The following DLGAP2 variants were observed in gnomAD, a reference collection of about 807,000 sequenced individuals.
The protein encoded by DLGAP2 is disks large-associated protein 2.
DLGAP2 carries 26 observed loss-of-function variants against 100.3 expected under a neutral mutation model. The observed-to-expected ratio is 0.26, with a 90% CI of 0.19 to 0.36. The LOEUF (loss-of-function observed/expected upper bound fraction) is 0.36. Ranked by LOEUF, DLGAP2 falls within the 10% of genes least tolerant of loss-of-function variation. The pLI is 1.00. For missense variants in DLGAP2, 1,858 were observed against 1,453.2 expected (o/e 1.28, Z -4.53); for synonymous variants, 886 against 630.1 (o/e 1.41, Z -6.08).
intron 2 of DLGAP2, among the ~76,000 whole-genome samples, chr8:1,087,916 C>T (rs76120699): frequency 0.01 from 1,542 of 152,346 alleles, 59 homozygotes; most frequent in East Asian, 0.098. Flanking sequence ...AGGTCCCCAC[C>T]CTGGCACAGT....
chr8:957,665 A>C (rs1011925864), intron 2 of DLGAP2, among the ~76,000 whole-genome samples: 2 of 152,244 alleles, frequency 1.3e-5, no homozygotes, highest in Non-Finnish European at 2.9e-5. Context: ...ACCGTCATTA[A>C]TGACAGTATC....
chr8:1,630,981 G>T (rs1797629433), intron 7 of DLGAP2, among the ~76,000 whole-genome samples: 2 of 102,732 alleles, frequency 1.9e-5, no homozygotes, highest in Admixed American at 1.1e-4. Context: ...TCGGCGGGAG[G>T]TCCGGGTGTC....
chr8:1,420,872 G>T (rs890354173), intron 3 of DLGAP2, among the ~76,000 whole-genome samples: 1 of 152,146 alleles, frequency 6.6e-6, no homozygotes, highest in African/African-American at 2.4e-5. Flanking sequence ...GTCCTGTTTG[G>T]TGTCTTCGTT....
At chr8:874,906 GTA>G (rs959468297) in intron 1 of DLGAP2, among the ~76,000 whole-genome samples, 4 of 152,124 alleles carry the variant, frequency 2.6e-5, no homozygotes, top group African/African-American at 9.7e-5. Context: ...GCATGTGTGT[GTA>G]TATATGTATG....
intron 3 of DLGAP2, among the ~76,000 whole-genome samples, chr8:1,298,593 T>G (rs1360831124): frequency 6.6e-6 from 1 of 152,010 alleles, no homozygotes; most frequent in Non-Finnish European, 1.5e-5. Flanking sequence ...TCGGCCACAG[T>G]CCTGCCCGTC....
At chr8:1,239,625 T>C (rs1798740078) in intron 2 of DLGAP2, among the ~76,000 whole-genome samples, 1 of 45,116 alleles carries the variant, frequency 2.2e-5, no homozygotes, top group African/African-American at 1.2e-4. Context: ...TTCTCTCACA[T>C]GGCGCCGTGT....
intron 14 of DLGAP2, among the ~76,000 whole-genome samples, chr8:1,698,637 G>C (rs1263485875): frequency 1.3e-5 from 2 of 151,708 alleles, no homozygotes; most frequent in Non-Finnish European, 2.9e-5. Context: ...CATGGGACTA[G>C]ACAGGTCCAA....
intron 5 of DLGAP2, among the ~76,000 whole-genome samples, chr8:1,554,807 C>T (rs1801902813): frequency 1.3e-5 from 2 of 151,432 alleles, no homozygotes; most frequent in Middle Eastern, 3.4e-3. Context: ...TCACGGTATC[C>T]CCACCAGTTC....
At chr8:746,485 G>A (rs1820621524) in intron 1 of DLGAP2, among the ~76,000 whole-genome samples, 1 of 152,230 alleles carries the variant, frequency 6.6e-6, no homozygotes, top group African/African-American at 2.4e-5. Flanking sequence ...TGGGGGCGCA[G>A]CCTCCACCAT....
chr8:1,695,246 C>T (rs1799356408), intron 13 of DLGAP2, among the ~76,000 whole-genome samples: 1 of 151,330 alleles, frequency 6.6e-6, no homozygotes, highest in Non-Finnish European at 1.5e-5. Context: ...ACCGGCCCTA[C>T]AGAAACAGGG....
intron 5 of DLGAP2, among the ~76,000 whole-genome samples, chr8:1,564,763 C>T (rs553561764): frequency 1.3e-5 from 2 of 152,306 alleles, no homozygotes; most frequent in South Asian, 4.1e-4. Flanking sequence ...TGCATAGTTG[C>T]TCAGCTCTGT....
intron 4 of DLGAP2, among the ~76,000 whole-genome samples, chr8:1,545,056 A>G (rs1283364686): frequency 2.0e-5 from 3 of 152,044 alleles, no homozygotes; most frequent in Non-Finnish European, 4.4e-5. Context: ...TTGCATCTCT[A>G]TTTATAAGGG....
At chr8:1,121,404 C>T (rs1585079972) in intron 2 of DLGAP2, among the ~76,000 whole-genome samples, 1 of 151,864 alleles carries the variant, frequency 6.6e-6, no homozygotes, top group African/African-American at 2.4e-5. Flanking sequence ...GACCACCCAT[C>T]CTCTTCCCTT....
chr8:1,017,422 C>T (rs572431074), intron 2 of DLGAP2, among the ~76,000 whole-genome samples: 5 of 20,272 alleles, frequency 2.5e-4, no homozygotes, highest in Admixed American at 1.0e-3. Context: ...GGACAGACGG[C>T]GCCTCCACTG....
intron 2 of DLGAP2, among the ~76,000 whole-genome samples, chr8:1,000,367 C>G (rs1476951752): frequency 6.6e-6 from 1 of 150,472 alleles, no homozygotes; most frequent in Admixed American, 6.6e-5. Flanking sequence ...ACTGGATTTT[C>G]TCTAGAGCGG....
chr8:1,087,083 A>G (rs1803998046), intron 2 of DLGAP2, among the ~76,000 whole-genome samples: 1 of 152,252 alleles, frequency 6.6e-6, no homozygotes, highest in African/African-American at 2.4e-5. Flanking sequence ...ATATGAAACT[A>G]GAAATTAACA....
chr8:832,069 T>G (rs1796794752), intron 1 of DLGAP2, among the ~76,000 whole-genome samples: 1 of 152,238 alleles, frequency 6.6e-6, no homozygotes, highest in Non-Finnish European at 1.5e-5. Context: ...GTTTGTTTTT[T>G]TCTTGTAAAA....
chr8:1,306,054 T>G (rs1800481563), intron 3 of DLGAP2, among the ~76,000 whole-genome samples: 1 of 121,246 alleles, frequency 8.2e-6, no homozygotes, highest in African/African-American at 3.0e-5. Flanking sequence ...GTAGTAGAAG[T>G]CCTAGACAGA....
intron 3 of DLGAP2, among the ~76,000 whole-genome samples, chr8:1,348,092 TC>T (rs1362573143): frequency 6.6e-6 from 1 of 150,936 alleles, no homozygotes; most frequent in Non-Finnish European, 1.5e-5. Context: ...GAGGCTGAGT[TC>T]CTATACAGAG....
Sources: allele counts gnomAD v4.1 joint callset (sites outside exome capture counted in the v4.1 genomes callset), GRCh38; gene constraint gnomAD v4.1.1; transcripts MANE v1.5; gene names NCBI Gene and HGNC (gene_info 2026-07-23, HGNC 2026-07-21).